The following ACP1 variants were observed in gnomAD, a reference collection of about 807,000 sequenced individuals.
ACP1 encodes the protein acid phosphatase 1, also known as low molecular weight phosphotyrosine protein phosphatase.
In ACP1, 23 loss-of-function variants were observed where a neutral mutation model predicts 23.4. The ratio of observed to expected loss-of-function variants is 0.98; its 90% CI spans 0.71 to 1.39. The LOEUF (loss-of-function observed/expected upper bound fraction) is 1.39. Ranked by LOEUF, ACP1 falls within the 40% of genes most tolerant of loss-of-function variation. ACP1 has a pLI of 0.00. For synonymous variants in ACP1, 72 were observed against 67.2 expected, an observed-to-expected ratio of 1.07 and a Z score of -0.35; for missense variants, 180 against 197.7, an observed-to-expected ratio of 0.91 and a Z score of 0.54.
rs1365634782 is a variant in ACP1, at chr2:277,082, T to A, written c.396T>A (p.Tyr132Ter). ...PQKQLIIEDPYYGNDSDFETV... is the reference protein window; with the variant it reads ...PQKQLIIEDP ...AACAACTTATTATTGAAGATCCCTA[T>A]TATGTAAGTACAGTTCACGTTTTAG... The change falls in exon 5 of 6, where the codon TAT (tyrosine) becomes TAA (stop). Residue 132 changes from tyrosine (Y) to a stop codon, truncating the protein, a stop_gained. Transcript: ENST00000272065. LOFTEE classifies it high-confidence loss of function. 1 of 1,608,344 alleles carries A rather than the reference T, an allele frequency of 6.2e-7. No homozygotes were observed. Among genetic ancestry groups the A allele is most frequent in the Admixed American group, 1.7e-5 (1 of 59,966 alleles).
At chr2:268,723 G>A (rs1436135529) in intron 1 of ACP1, among the ~76,000 whole-genome samples, 1 of 152,232 alleles carries the variant, frequency 6.6e-6, no homozygotes, top group Non-Finnish European at 1.5e-5. Flanking sequence ...AGACTTTACA[G>A]ATTGAAACAT....
rs368060000 is a variant in ACP1, at chr2:272,031, C to A, written c.118-6C>A. 6.2e-7 allele frequency: 1 copy of A among 1,613,430 alleles called. No homozygotes were observed. Among genetic ancestry groups the A allele is most frequent in the Non-Finnish European group, 8.5e-7 (1 of 1,179,596 alleles). On this transcript the variant is annotated splice_polypyrimidine_tract_variant and splice_region_variant and intron_variant, in intron 2 of 5. Transcript: ENST00000272065. The stretch of plus-strand genomic sequence containing the variant: ...AAAAAAAAATTCCATGTTTCTTCCC[C>A]TGCAGTGGAGGGTAGACAGCGCGGC...
chr2:275,227 C>G (rs1670140167), intron 4 of ACP1, 26 bp downstream of exon 4: 1 of 1,372,142 alleles, frequency 7.3e-7, no homozygotes, highest in South Asian at 1.4e-5. Context: ...AAGAATATTT[C>G]TGTTCAACTC....
At chr2:274,740 T>C (rs1670129120) in intron 3 of ACP1, 1 of 152,822 alleles carries the variant, frequency 6.5e-6, no homozygotes, top group Non-Finnish European at 1.5e-5. Context: ...TCTGTCCACT[T>C]AGCTTGGTGT....
chr2:274,074 G>T (rs1670111037), intron 3 of ACP1, among the ~76,000 whole-genome samples: 1 of 152,156 alleles, frequency 6.6e-6, no homozygotes. Context: ...GAGGTAGGAG[G>T]TTGGCTTGAA....
At chr2:274,243 TAC>T (rs1670115079) in intron 3 of ACP1, among the ~76,000 whole-genome samples, 1 of 152,206 alleles carries the variant, frequency 6.6e-6, no homozygotes, top group Non-Finnish European at 1.5e-5. Flanking sequence ...GTTGACGAAA[TAC>T]AGTCTTTTCT....
In ACP1 at chr2:275,153, A is replaced by T; in HGVS notation, c.245A>T (p.Asp82Val). 6.5e-7 allele frequency: 1 copy of T among 1,528,534 alleles called. No individual in the cohort carries two copies. The highest frequency in any genetic ancestry group is 1.4e-5 in the African/African-American group (1 of 73,910). The allele number at this position is 1,528,534 out of a possible 1,614,324, so 94.7% of individuals were successfully genotyped here. ...ATTCAATTTTAGATTACCAAAGAAG[A>T]TTTTGCCACATTTGATTATATACTA... ...SHVARQITKE[D>V]FATFDYILCM... Residue 82 changes from aspartate to valine, a missense_variant, in exon 4 of 6, where the codon GAT becomes GTT. Asp to Val is a radical substitution (Grantham distance 152). Coordinates refer to ENST00000272065, the MANE Select transcript of ACP1 (RefSeq NM_004300.4).
chr2:272,348 A>G (rs1261341643), intron 3 of ACP1, 198 bp downstream of exon 3: 6 of 1,581,184 alleles, frequency 3.8e-6, no homozygotes, highest in Admixed American at 3.6e-5. Flanking sequence ...AGAGTCCAGT[A>G]ACTTGAGAAG....
intron 3 of ACP1, among the ~76,000 whole-genome samples, chr2:273,747 A>G (rs1007906150): frequency 1.4e-4 from 21 of 152,214 alleles, no homozygotes; most frequent in Admixed American, 6.5e-5. Flanking sequence ...AATTATTGTA[A>G]CATCTAAAAA....
intron 1 of ACP1, among the ~76,000 whole-genome samples, chr2:270,261 A>G (rs969795311): frequency 6.6e-5 from 10 of 152,206 alleles, no homozygotes; most frequent in Admixed American, 6.5e-4. Context: ...ACCCTTTTCC[A>G]TAGGACTTTC....
intron 3 of ACP1, 65 bp downstream of exon 3, chr2:272,215 TTC>T (rs1670062604): frequency 6.2e-7 from 1 of 1,614,176 alleles, no homozygotes. Context: ...GCGGTGCTGT[TTC>T]TGACTGGAAC....
rs376020864 is a variant in ACP1 at position 265,020 on chromosome 2, C to T, written c.43+13C>T. The T allele has an allele frequency of 6.8e-6, 11 of 1,612,240 alleles. No homozygotes were observed. The East Asian group carries it at 2.0e-4, about 29-fold the overall frequency. On this transcript the variant is annotated intron_variant, in intron 1 of 5. Coordinates refer to ENST00000272065, the MANE Select transcript of ACP1 (RefSeq NM_004300.4). ...TTTGTGTGTCTGGGTAAGAGGGCGC[C>T]GACTTACTCATGTTCTGACGTCCTC...
At position 274,200 on chromosome 2, in the gene ACP1, C is replaced by T. The variant is rs1436117584; in HGVS notation, c.232-940C>T. Among the ~76,000 whole-genome samples, 7 of 152,072 alleles carry T rather than the reference C, an allele frequency of 4.6e-5. No individual in the cohort carries two copies. The East Asian group carries it at 1.4e-3, about 29-fold the overall frequency. On this transcript the variant is annotated intron_variant, in intron 3 of 5. Coordinates refer to ENST00000272065, the MANE Select transcript of ACP1 (RefSeq NM_004300.4). Reference sequence around the variant, plus strand: ...GAAAAAATTCAGTATTGTACTTATTCTCAATTTTGAAATAAGTCAATGTCA... The same window carrying T: ...GAAAAAATTCAGTATTGTACTTATTTTCAATTTTGAAATAAGTCAATGTCA...
rs1259834543 is a variant in ACP1 at position 277,306 on chromosome 2, G to A, written c.*2G>A. The A allele has an allele frequency of 6.2e-7, 1 of 1,612,410 alleles. No homozygotes were observed. Among genetic ancestry groups the A allele is most frequent in the East Asian group, 2.2e-5 (1 of 44,884 alleles). ...GCGTTCTTGGAGAAGGCCCACTGAG[G>A]CAGGTTCGTGCCCTGCTGCGGCCAG... On this transcript the variant is annotated 3_prime_UTR_variant, in exon 6 of 6. Transcript: ENST00000272065.
At chr2:273,374 C>T (rs957071080) in intron 3 of ACP1, among the ~76,000 whole-genome samples, 1 of 152,218 alleles carries the variant, frequency 6.6e-6, no homozygotes, top group African/African-American at 2.4e-5. Context: ...CGTTTGAGAT[C>T]CCTGTTCTGA....
At chr2:270,282 CAT>C (rs1669993741) in intron 1 of ACP1, among the ~76,000 whole-genome samples, 1 of 152,184 alleles carries the variant, frequency 6.6e-6, no homozygotes, top group Admixed American at 6.5e-5. Context: ...TATTTCTCCT[CAT>C]AGTGGCTACG....
intron 1 of ACP1, among the ~76,000 whole-genome samples, chr2:270,599 TAATA>T (rs1027948624): frequency 1.2e-4 from 18 of 152,122 alleles, no homozygotes; most frequent in African/African-American, 4.3e-4. Flanking sequence ...ACTTTTATTA[TAATA>T]AATATAATAA....
In ACP1 at chr2:265,285, TC is replaced by T. The variant is rs1232415433; in HGVS notation, c.43+279del. On this transcript the variant is annotated intron_variant, in intron 1 of 5. Coordinates refer to ENST00000272065, the MANE Select transcript of ACP1 (RefSeq NM_004300.4). ...ACAGCCCCTACAAGCCAAGGTACTT[TC>T]TTTGCGACTACTAGAATCCCTCTCG... 6.4e-5 allele frequency: 27 copies of T among 423,950 alleles called. No homozygotes were observed. The South Asian group carries it at 1.0e-3, about 16-fold the overall frequency. 26.3% of individuals were successfully genotyped at this position (423,950 alleles called of 1,614,324 possible).
At chr2:267,634 C>T (rs915878496) in intron 1 of ACP1, among the ~76,000 whole-genome samples, 1 of 152,208 alleles carries the variant, frequency 6.6e-6, no homozygotes, top group Non-Finnish European at 1.5e-5. Flanking sequence ...GATAGTTTTT[C>T]TCAGTCAGGA....
Sources: gnomAD v4.1 joint callset for allele counts (sites outside exome capture counted in the v4.1 genomes callset) on GRCh38, gnomAD v4.1.1 for gene constraint, MANE v1.5 for transcripts, NCBI Gene and HGNC (gene_info 2026-07-23, HGNC 2026-07-21) for gene names.